SMAD2: variants seen among roughly 807,000 people sequenced by gnomAD.
The protein encoded by SMAD2 is MAD homolog 2.
In SMAD2, 8 loss-of-function variants were observed where a neutral mutation model predicts 64.4. The ratio of observed to expected loss-of-function variants is 0.12; its 90% CI spans 0.07 to 0.22. The LOEUF (loss-of-function observed/expected upper bound fraction) is 0.22, where lower values mean the gene tolerates loss of function less well. Ranked by LOEUF, SMAD2 falls within the 10% of genes least tolerant of loss-of-function variation. The pLI, the probability that SMAD2 is intolerant of heterozygous loss-of-function variation, is 1.00. For missense variants in SMAD2, 289 were observed against 561.2 expected (o/e 0.51, Z 4.90); for synonymous variants, 203 against 195.8 (o/e 1.04, Z -0.31).
Position 47,833,718 on chromosome 18 carries a change from A to T in SMAD2, c.*8109T>A, listed in dbSNP as rs899426268. ...TCACTTGCCATTGGCTGATGCATTT[A>T]ATCATTTTAACACAACATTCACGGA... On this transcript the variant is annotated 3_prime_UTR_variant, in exon 11 of 11. Transcript: ENST00000262160. 2.6e-5 allele frequency: 6 copies of T among 230,974 alleles called. No individual in the cohort carries two copies. Among genetic ancestry groups the T allele is most frequent in the African/African-American group, 1.3e-4 (6 of 45,204 alleles). 14.3% of individuals were successfully genotyped at this position (230,974 alleles called of 1,614,324 possible). A position where few individuals can be genotyped will look rare whatever the true frequency, so the allele number is the denominator to read the frequency against.
rs981331378 is a variant in SMAD2, at chr18:47,824,855, C to T, written c.*16972G>A. On this transcript the variant is annotated 3_prime_UTR_variant, in exon 11 of 11. Transcript: ENST00000262160. Reference sequence around the variant, plus strand: ...TGGCAAAAAACTTTGTTTTCATATGCCCATTATGGCTTGCTGACTGGCTTA... The same window carrying T: ...TGGCAAAAAACTTTGTTTTCATATGTCCATTATGGCTTGCTGACTGGCTTA... 3 of 152,132 alleles carry T rather than the reference C, an allele frequency of 2.0e-5. No homozygotes were observed. The East Asian group carries it at 5.8e-4, about 29-fold the overall frequency. The allele number at this position is 152,132 out of a possible 1,614,324, so 9.4% of individuals were successfully genotyped here. A position where few individuals can be genotyped will look rare whatever the true frequency, so the allele number is the denominator to read the frequency against.
At position 47,820,225 on chromosome 18, in the gene SMAD2, A is replaced by G. The variant is rs965828573; in HGVS notation, c.*21602T>C. The G allele has an allele frequency of 7.9e-5, 12 of 152,182 alleles. No homozygotes were observed. The highest frequency in any genetic ancestry group is 2.7e-4 in the African/African-American group (11 of 41,468). The allele number at this position is 152,182 out of a possible 1,614,324, so 9.4% of individuals were successfully genotyped here. ...TTAATATACAAAGTTATAAGGAAAC[A>G]TGTTTCTAAAAATTATAATATGGTT... On this transcript the variant is annotated 3_prime_UTR_variant, in exon 11 of 11. Transcript: ENST00000262160.
At chr18:47,864,799 A>T (rs2144361458) in intron 6 of SMAD2, among the ~76,000 whole-genome samples, 1 of 152,268 alleles carries the variant, frequency 6.6e-6, no homozygotes, top group Admixed American at 6.5e-5. Flanking sequence ...AAAGAAATAA[A>T]AGTATGTGCA....
chr18:47,867,819 G>A (rs2031675042), intron 5 of SMAD2, among the ~76,000 whole-genome samples: 1 of 152,066 alleles, frequency 6.6e-6, no homozygotes, highest in African/African-American at 2.4e-5. Flanking sequence ...AATTAAAGGA[G>A]GTTTTCTGAC....
intron 6 of SMAD2, among the ~76,000 whole-genome samples, chr18:47,858,787 G>C (rs112308707): frequency 1.3e-5 from 2 of 151,980 alleles, no homozygotes; most frequent in Non-Finnish European, 2.9e-5. Context: ...ACTGGTAAAA[G>C]GCCAAGAGAG....
rs16958498 is a variant in SMAD2, at chr18:47,833,740, C to T, written c.*8087G>A. 0.013 allele frequency: 2,917 copies of T among 230,656 alleles called. 76 individuals are homozygous for T. Among genetic ancestry groups the T allele is most frequent in the African/African-American group, 0.059 (2,661 of 45,272 alleles). 14.3% of individuals were successfully genotyped at this position (230,656 alleles called of 1,614,324 possible). A position where few individuals can be genotyped will look rare whatever the true frequency, so the allele number is the denominator to read the frequency against. Reference sequence around the variant, plus strand: ...TTTAATCATTTTAACACAACATTCACGGAAAAATGTTAACAACACATTCTG... The same window carrying T: ...TTTAATCATTTTAACACAACATTCATGGAAAAATGTTAACAACACATTCTG... On this transcript the variant is annotated 3_prime_UTR_variant, in exon 11 of 11. Transcript: ENST00000262160.
intron 1 of SMAD2, among the ~76,000 whole-genome samples, chr18:47,925,638 G>T (rs75229859): frequency 0.015 from 2,325 of 152,208 alleles, 27 homozygotes; most frequent in Non-Finnish European, 0.025. Flanking sequence ...CTGAAAAAAT[G>T]ATCAAAATTG....
chr18:47,903,745 G>A (rs933873316), intron 1 of SMAD2, among the ~76,000 whole-genome samples: 2 of 151,896 alleles, frequency 1.3e-5, no homozygotes, highest in African/African-American at 2.4e-5. Flanking sequence ...ACAGGAAAAC[G>A]TTAGAAATGA....
At position 47,896,706 on chromosome 18, in the gene SMAD2, T is replaced by C; in HGVS notation, c.51A>G (p.Gly17=). 5 of 1,614,078 alleles carry C rather than the reference T, an allele frequency of 3.1e-6. No homozygotes were observed. Among genetic ancestry groups the C allele is most frequent in the Non-Finnish European group, 4.2e-6 (5 of 1,179,994 alleles). The change falls in exon 2 of 11, where the codon GGA becomes GGG. Residue 17 remains glycine, a synonymous_variant. Coordinates refer to ENST00000262160, the MANE Select transcript of SMAD2 (RefSeq NM_005901.6). ...CAGACCCACCAGCTGACTTCTTCCATCCCAGCAGTCTCTTCACAACTGGCG... is the reference window on the plus strand; with the variant it reads ...CAGACCCACCAGCTGACTTCTTCCACCCCAGCAGTCTCTTCACAACTGGCG... ...FTPPVVKRLL[G]WKKSAGGSGG...
chr18:47,895,441 A>AT (rs1252754128), intron 2 of SMAD2: 1 of 152,170 alleles, frequency 6.6e-6, no homozygotes, highest in Non-Finnish European at 1.5e-5. Flanking sequence ...ACCATATCAA[A>AT]TTATAATTAA....
At position 47,869,247 on chromosome 18, in the gene SMAD2, T is replaced by C. The variant is rs376007902; in HGVS notation, c.516A>G (p.Thr172=). 2 of 1,610,932 alleles carry C rather than the reference T, an allele frequency of 1.2e-6. No homozygotes were observed. The highest frequency in any genetic ancestry group is 2.7e-5 in the African/African-American group (2 of 74,828). The part of the protein sequence containing the change: ...VNPYHYQRVE[T]PVLPPVLVPR... ...AAAAACTTGCAATATTCCTACCTGG[T>C]GTCTCAACTCTCTGATAGTGGTAAG... is the stretch of plus-strand genomic sequence containing the variant. Residue 172 remains threonine, a synonymous_variant, in exon 4 of 11, where the codon ACA becomes ACG. Coordinates refer to ENST00000262160, the MANE Select transcript of SMAD2 (RefSeq NM_005901.6).
intron 2 of SMAD2, among the ~76,000 whole-genome samples, chr18:47,889,077 A>G (rs1427362933): frequency 6.6e-6 from 1 of 152,214 alleles, no homozygotes; most frequent in African/African-American, 2.4e-5. Flanking sequence ...TCAAAAGTAG[A>G]TCAACAGAAA....
intron 6 of SMAD2, among the ~76,000 whole-genome samples, chr18:47,862,277 T>G (rs2031243038): frequency 6.6e-6 from 1 of 152,338 alleles, no homozygotes; most frequent in Middle Eastern, 3.4e-3. Flanking sequence ...CTCACTGTAT[T>G]AGCTTCCTAG....
intron 8 of SMAD2, among the ~76,000 whole-genome samples, chr18:47,847,548 A>T (rs577761520): frequency 6.6e-6 from 1 of 152,162 alleles, no homozygotes; most frequent in Admixed American, 6.5e-5. Flanking sequence ...TAGATATAAA[A>T]ACTGAGATTT....
intron 3 of SMAD2, 121 bp from the exon 4 acceptor site, chr18:47,869,557 T>A: frequency 1.4e-6 from 1 of 735,832 alleles, no homozygotes. Context: ...GCCATTTAGT[T>A]AGTTTTAGTG....
intron 6 of SMAD2, among the ~76,000 whole-genome samples, chr18:47,857,634 G>A (rs144810813): frequency 6.6e-6 from 1 of 152,288 alleles, no homozygotes; most frequent in East Asian, 1.9e-4. Context: ...AGAGGGATGA[G>A]CTCCTCCCCA....
rs1292645732 is a variant in SMAD2, at chr18:47,824,212, C to T, written c.*17615G>A. On this transcript the variant is annotated 3_prime_UTR_variant, in exon 11 of 11. Transcript: ENST00000262160. ...AGGGAAAGGTGAAAGCTGTCAGAAT[C>T]AAGAGTCATGTTTCCAAAAGCCCTG... 2.6e-5 allele frequency: 4 copies of T among 152,178 alleles called. No homozygotes were observed. The highest frequency in any genetic ancestry group is 2.6e-4 in the Admixed American group (4 of 15,278). The allele number at this position is 152,178 out of a possible 1,614,324, so 9.4% of individuals were successfully genotyped here. A position where few individuals can be genotyped will look rare whatever the true frequency, so the allele number is the denominator to read the frequency against.
At chr18:47,919,369 T>TC (rs1490436463) in intron 1 of SMAD2, among the ~76,000 whole-genome samples, 3 of 151,068 alleles carry the variant, frequency 2.0e-5, no homozygotes, top group African/African-American at 7.3e-5. Context: ...AGGAATACGA[T>TC]CTACACTCGA....
At chr18:47,895,558 A>C (rs1233788000) in intron 2 of SMAD2, 1 of 152,236 alleles carries the variant, frequency 6.6e-6, no homozygotes, top group Non-Finnish European at 1.5e-5. Flanking sequence ...CCTTCTACAT[A>C]GCAAACACTC....
Sources: gnomAD v4.1 joint callset for allele counts (sites outside exome capture counted in the v4.1 genomes callset) on GRCh38, gnomAD v4.1.1 for gene constraint, MANE v1.5 for transcripts, NCBI Gene and HGNC (gene_info 2026-07-23, HGNC 2026-07-21) for gene names.